Variants in QTMAN observed in about 807,000 individuals in gnomAD.
The protein encoded by QTMAN is tRNA-queuosine alpha-mannosyltransferase.
chr2:143,982,133 G>A, the QTMAN span, among the ~76,000 whole-genome samples: 8 of 152,044 alleles, frequency 5.3e-5, no homozygotes, highest in African/African-American at 1.9e-4. Flanking sequence ...CTCGAGAAAA[G>A]GTTCTCCAGA....
the QTMAN span, among the ~76,000 whole-genome samples, chr2:144,329,051 C>T: frequency 6.6e-6 from 1 of 151,942 alleles, no homozygotes; most frequent in Admixed American, 6.6e-5. Flanking sequence ...ACCAGCTTGG[C>T]CAACATGGTG....
the QTMAN span, among the ~76,000 whole-genome samples, chr2:144,164,658 C>A: frequency 2.0e-5 from 3 of 152,102 alleles, no homozygotes; most frequent in African/African-American, 7.2e-5. Context: ...AATTCCTATA[C>A]CTTAGAATCT....
At chr2:144,239,789 T>C in the QTMAN span, among the ~76,000 whole-genome samples, 110 of 152,364 alleles carry the variant, frequency 7.2e-4, no homozygotes, top group African/African-American at 2.6e-3. Flanking sequence ...TGTCTCAGTC[T>C]ACTCTTCATC....
the QTMAN span, among the ~76,000 whole-genome samples, chr2:144,038,384 A>G: frequency 2.0e-5 from 3 of 152,180 alleles, no homozygotes; most frequent in African/African-American, 7.2e-5. Context: ...CGTTTGTCTC[A>G]TATCTTAATG....
At chr2:144,135,434 C>A in the QTMAN span, among the ~76,000 whole-genome samples, 1 of 152,158 alleles carries the variant, frequency 6.6e-6, no homozygotes, top group Non-Finnish European at 1.5e-5. Context: ...TTTTCTTACA[C>A]ATGAAATCAC....
the QTMAN span, among the ~76,000 whole-genome samples, chr2:144,311,228 G>C: frequency 6.6e-5 from 10 of 152,186 alleles, no homozygotes; most frequent in African/African-American, 2.4e-4. Context: ...TCTAGAGAGA[G>C]CTTTAAAAAA....
At chr2:144,133,151 A>ATATATATATAT in the QTMAN span, among the ~76,000 whole-genome samples, 8 of 51,382 alleles carry the variant, frequency 1.6e-4, no homozygotes, top group African/African-American at 5.4e-4. Flanking sequence ...ATATATATAT[A>ATATATATATAT]ATATAATATA....
At chr2:143,959,316 A>C in the QTMAN span, among the ~76,000 whole-genome samples, 3 of 152,176 alleles carry the variant, frequency 2.0e-5, no homozygotes, top group African/African-American at 7.2e-5. Context: ...AACACAGTTA[A>C]AATGTACTGT....
At chr2:144,181,096 T>C in the QTMAN span, among the ~76,000 whole-genome samples, 2 of 152,310 alleles carry the variant, frequency 1.3e-5, no homozygotes, top group Non-Finnish European at 2.9e-5. Context: ...AGGAAACAGA[T>C]AGGTATCTGT....
the QTMAN span, among the ~76,000 whole-genome samples, chr2:144,226,878 C>T: frequency 6.6e-6 from 1 of 152,024 alleles, no homozygotes; most frequent in African/African-American, 2.4e-5. Flanking sequence ...TGATTCCTAC[C>T]AAGTCTGAGC....
chr2:144,122,200 C>T, the QTMAN span, among the ~76,000 whole-genome samples: 1 of 151,974 alleles, frequency 6.6e-6, no homozygotes, highest in East Asian at 1.9e-4. Flanking sequence ...CTTGGAAAGA[C>T]AAGGAGAAAG....
the QTMAN span, among the ~76,000 whole-genome samples, chr2:144,019,999 G>A: frequency 6.8e-6 from 1 of 147,560 alleles, no homozygotes; most frequent in Admixed American, 6.7e-5. Flanking sequence ...CTAATCATCC[G>A]TCGCAGTTCT....
At chr2:144,196,525 A>G in the QTMAN span, among the ~76,000 whole-genome samples, 6 of 152,152 alleles carry the variant, frequency 3.9e-5, no homozygotes. Context: ...CAAGTATGGG[A>G]AATTTTCTTA....
chr2:144,264,771 G>GT, the QTMAN span, among the ~76,000 whole-genome samples: 1 of 152,182 alleles, frequency 6.6e-6, no homozygotes, highest in East Asian at 1.9e-4. Context: ...CCTATAGTGG[G>GT]TAAGACTGCC....
the QTMAN span, among the ~76,000 whole-genome samples, chr2:144,009,142 C>A: frequency 1.3e-5 from 2 of 151,852 alleles, no homozygotes; most frequent in Non-Finnish European, 2.9e-5. Context: ...GAAAAGCAAG[C>A]AGGGTCTTGT....
chr2:144,084,652 C>T, the QTMAN span, among the ~76,000 whole-genome samples: 11 of 152,248 alleles, frequency 7.2e-5, no homozygotes, highest in Non-Finnish European at 1.0e-4. Context: ...TTCAAACATC[C>T]TATGTCTCCC....
chr2:144,096,642 G>A, the QTMAN span, among the ~76,000 whole-genome samples: 336 of 152,298 alleles, frequency 2.2e-3, 1 homozygote, highest in African/African-American at 7.6e-3. Context: ...GTGTAAATAC[G>A]CTTGAAGCAT....
chr2:144,186,251 T>G, the QTMAN span, among the ~76,000 whole-genome samples: 1 of 152,186 alleles, frequency 6.6e-6, no homozygotes, highest in Admixed American at 6.5e-5. Flanking sequence ...TATGCTACAA[T>G]CTGAAGGTCA....
the QTMAN span, among the ~76,000 whole-genome samples, chr2:144,233,828 A>G: frequency 6.6e-6 from 1 of 152,202 alleles, no homozygotes; most frequent in African/African-American, 2.4e-5. Flanking sequence ...CAAGTACAAT[A>G]CTGTCAACAG....
Sources: allele counts gnomAD v4.1 joint callset (sites outside exome capture counted in the v4.1 genomes callset), GRCh38; gene constraint gnomAD v4.1.1; transcripts MANE v1.5; gene names NCBI Gene and HGNC (gene_info 2026-07-23, HGNC 2026-07-21).